SVOP: variants seen among roughly 807,000 people sequenced by gnomAD.
SVOP encodes the protein synaptic vesicle 2-related protein.
SVOP carries 17 observed loss-of-function variants against 69.1 expected under a neutral mutation model. The observed-to-expected ratio is 0.25, with a 90% confidence interval of 0.17 to 0.37. SVOP has a LOEUF of 0.37. SVOP is among the 10% of genes least tolerant of loss of function. SVOP has a pLI of 1.00. For missense variants in SVOP, 435 were observed against 597.5 expected (o/e 0.73, Z 2.84); for synonymous variants, 238 against 238.6 (o/e 1.00, Z 0.02).
chr12:108,915,915 T>G, intron 14 of SVOP, 43 bp from the exon 15 acceptor site: 1 of 1,510,792 alleles, frequency 6.6e-7, no homozygotes, highest in South Asian at 1.3e-5. Flanking sequence ...ACATGCAGGT[T>G]CCTCCCACCA....
At chr12:108,931,832 C>CAAA (rs34806582) in intron 11 of SVOP, among the ~76,000 whole-genome samples, 1 of 126,508 alleles carries the variant, frequency 7.9e-6, no homozygotes, top group Admixed American at 7.6e-5. Flanking sequence ...GACTCCGTCT[C>CAAA]AAAAAAAAAA....
At chr12:109,007,098 T>C (rs537459602) in intron 1 of SVOP, among the ~76,000 whole-genome samples, 17 of 152,142 alleles carry the variant, frequency 1.1e-4, no homozygotes, top group African/African-American at 3.1e-4. Context: ...GACATCTTCA[T>C]AGGGAGGCTC....
At chr12:108,964,318 A>T (rs1476271388) in intron 5 of SVOP, among the ~76,000 whole-genome samples, 1 of 152,134 alleles carries the variant, frequency 6.6e-6, no homozygotes, top group Non-Finnish European at 1.5e-5. Flanking sequence ...GCACTCCTAA[A>T]TCCATGACTG....
Position 108,939,075 on chromosome 12 carries a change from G to T in SVOP, c.769-120C>A, listed in dbSNP as rs2039873668. ...AGAGTGGGGGCTCTGGAGCCAGAGA[G>T]CTGACTTCAAATCCTGGCCCCACCA... On this transcript the variant is annotated intron_variant, in intron 8 of 15. Transcript: ENST00000610966. The T allele has an allele frequency of 2.5e-5, 35 of 1,410,768 alleles. No homozygotes were observed. In the South Asian group the frequency reaches 4.1e-4, roughly 16 times the overall value. 87.4% of individuals were successfully genotyped at this position (1,410,768 alleles called of 1,614,324 possible). A position where few individuals can be genotyped will look rare whatever the true frequency, so the allele number is the denominator to read the frequency against.
rs1593179445 is a variant in SVOP, at chr12:108,927,593, T to C, written c.1049-4796A>G. ...TGACAAAGACTCTCTCTCTCTCTTT[T>C]TTTTTTTTTTTTTTTGAAAGAGGCT... On this transcript the variant is annotated intron_variant, in intron 11 of 15. Transcript: ENST00000610966. 7.8e-5 allele frequency among the ~76,000 whole-genome samples: 4 copies of C among 51,482 alleles called. No individual in the cohort carries two copies. In the South Asian group the frequency reaches 3.3e-3, roughly 43 times the overall value. 33.8% of individuals were successfully genotyped at this position (51,482 alleles called of 152,430 possible).
intron 15 of SVOP, among the ~76,000 whole-genome samples, chr12:108,914,900 G>A (rs1285839943): frequency 6.6e-6 from 1 of 151,178 alleles, no homozygotes; most frequent in Non-Finnish European, 1.5e-5. Context: ...TTTTGGCCAG[G>A]CACAGTGGCT....
intron 11 of SVOP, among the ~76,000 whole-genome samples, chr12:108,923,388 G>A (rs961825371): frequency 1.3e-5 from 2 of 152,102 alleles, no homozygotes; most frequent in African/African-American, 4.8e-5. Flanking sequence ...AGTTGCTGAG[G>A]GCAGCCTCAG....
intron 2 of SVOP, among the ~76,000 whole-genome samples, chr12:108,980,503 C>T (rs992196256): frequency 4.1e-4 from 62 of 150,942 alleles, no homozygotes; most frequent in Non-Finnish European, 6.9e-4. Flanking sequence ...AATCTCAACA[C>T]TTTGGGAGGC....
chr12:108,997,272 C>T (rs1411856288), intron 1 of SVOP, among the ~76,000 whole-genome samples: 2 of 152,228 alleles, frequency 1.3e-5, no homozygotes, highest in East Asian at 1.9e-4. Flanking sequence ...AAACGGCGCA[C>T]CACGAGATTA....
chr12:108,928,569 T>TTTTA (rs111591515), intron 11 of SVOP, among the ~76,000 whole-genome samples: 1 of 30,260 alleles, frequency 3.3e-5, no homozygotes, highest in Non-Finnish European at 1.2e-4. Flanking sequence ...GATTTTCTGA[T>TTTTA]TTTTTTTTTT....
At chr12:108,986,438 T>G (rs540512440) in intron 1 of SVOP, among the ~76,000 whole-genome samples, 1 of 152,342 alleles carries the variant, frequency 6.6e-6, no homozygotes, top group East Asian at 1.9e-4. Context: ...TTGAGATATT[T>G]CAAGCATATA....
chr12:108,980,756 C>CA (rs1270692950), intron 2 of SVOP, among the ~76,000 whole-genome samples: 6,777 of 60,280 alleles, frequency 0.11, 1,239 homozygotes, highest in Admixed American at 0.35. Context: ...GACTCCGTCT[C>CA]AAAAAAAAAA....
intron 1 of SVOP, among the ~76,000 whole-genome samples, chr12:109,005,218 T>A (rs1222843164): frequency 1.3e-5 from 2 of 152,194 alleles, no homozygotes. Flanking sequence ...AGAGCCCAAC[T>A]CTGGCAAACA....
At chr12:109,001,470 T>C (rs2040269235) in intron 1 of SVOP, among the ~76,000 whole-genome samples, 2 of 150,046 alleles carry the variant, frequency 1.3e-5, no homozygotes, top group South Asian at 2.1e-4. Flanking sequence ...TTAAAGTTCA[T>C]ATGGAACCAA....
At chr12:108,973,027 G>A (rs1048775876) in intron 4 of SVOP, among the ~76,000 whole-genome samples, 4 of 152,180 alleles carry the variant, frequency 2.6e-5, no homozygotes, top group African/African-American at 9.7e-5. Flanking sequence ...GGGGAGCTGA[G>A]GCTCAGATAG....
At chr12:109,007,008 G>C (rs1192461612) in intron 1 of SVOP, among the ~76,000 whole-genome samples, 1 of 152,108 alleles carries the variant, frequency 6.6e-6, no homozygotes, top group Non-Finnish European at 1.5e-5. Context: ...TTTGGATTAG[G>C]GGGGTTGGAG....
intron 1 of SVOP, among the ~76,000 whole-genome samples, chr12:109,001,888 C>T (rs1355137940): frequency 2.7e-5 from 4 of 149,824 alleles, no homozygotes; most frequent in African/African-American, 7.3e-5. Flanking sequence ...CCATTCAGGA[C>T]ATAGGCATGG....
intron 1 of SVOP, among the ~76,000 whole-genome samples, chr12:108,988,201 A>G (rs987482253): frequency 1.3e-5 from 2 of 152,134 alleles, no homozygotes; most frequent in Non-Finnish European, 2.9e-5. Context: ...CTGGGATTAC[A>G]GGTGTGAGCC....
intron 9 of SVOP, among the ~76,000 whole-genome samples, chr12:108,937,952 C>T (rs1442783668): frequency 5.9e-5 from 9 of 152,152 alleles, no homozygotes; most frequent in Non-Finnish European, 1.0e-4. Flanking sequence ...GCCAGGAGTT[C>T]GAGACCAGCC....
Sources: allele counts gnomAD v4.1 joint callset (sites outside exome capture counted in the v4.1 genomes callset), GRCh38; gene constraint gnomAD v4.1.1; transcripts MANE v1.5; gene names NCBI Gene and HGNC (gene_info 2026-07-23, HGNC 2026-07-21).